The following SUZ12 variants were observed in gnomAD, a reference collection of about 807,000 sequenced individuals.
SUZ12 encodes polycomb protein SUZ12.
SUZ12 carries 17 observed loss-of-function variants against 87.3 expected under a neutral mutation model. The ratio of observed to expected loss-of-function variants is 0.19; its 90% CI spans 0.13 to 0.29. SUZ12 has a LOEUF of 0.29. Ranked by LOEUF, SUZ12 falls within the 10% of genes least tolerant of loss-of-function variation. SUZ12 has a pLI of 1.00. For synonymous variants in SUZ12, 253 were observed against 312.4 expected, an observed-to-expected ratio of 0.81 and a Z score of 2.01; for missense variants, 526 against 912.2, an observed-to-expected ratio of 0.58 and a Z score of 5.45.
intron 3 of SUZ12, among the ~76,000 whole-genome samples, chr17:31,945,646 G>A (rs1906591493): frequency 6.6e-6 from 1 of 152,114 alleles, no homozygotes; most frequent in South Asian, 2.1e-4. Flanking sequence ...GGTGTTGGGG[G>A]AGGAGCAGCT....
chr17:31,959,804 G>A (rs1483745375), intron 4 of SUZ12, among the ~76,000 whole-genome samples: 4 of 152,186 alleles, frequency 2.6e-5, no homozygotes, highest in African/African-American at 9.7e-5. Context: ...TTATGAATTA[G>A]CTTAGCATCA....
chr17:31,975,755 A>G, intron 7 of SUZ12, 42 bp downstream of exon 7: 2 of 1,462,008 alleles, frequency 1.4e-6, no homozygotes, highest in South Asian at 1.2e-5. Context: ...GGAGACTAAG[A>G]TGGTCATTGA....
In SUZ12 at chr17:31,999,154, T is replaced by A; in HGVS notation, c.*151T>A. 1.7e-6 allele frequency: 1 copy of A among 600,982 alleles called. No individual in the cohort carries two copies. Among genetic ancestry groups the A allele is most frequent in the Non-Finnish European group, 2.7e-6 (1 of 369,368 alleles). The allele number at this position is 600,982 out of a possible 1,614,324, so 37.2% of individuals were successfully genotyped here. On this transcript the variant is annotated 3_prime_UTR_variant, in exon 16 of 16. Transcript: ENST00000322652. ...TTCAACAAGGATATTTGTATCAGGG[T>A]TCTACTTCACTTCATTATGCAGCAT...
rs573015718 is a variant in SUZ12, at chr17:31,939,213, AT to A, written c.275-1072del. On this transcript the variant is annotated intron_variant, in intron 1 of 15. Transcript: ENST00000322652. ...AACAAAATAGATACAACTTTAAATTATAATTAGGAATATTTATTGAGAATTT... is the reference window on the plus strand; with the variant it reads ...AACAAAATAGATACAACTTTAAATTAAATTAGGAATATTTATTGAGAATTT... Among the ~76,000 whole-genome samples, 220 of 152,302 alleles carry A rather than the reference AT, an allele frequency of 1.4e-3. 1 individual carries two copies. Among genetic ancestry groups the A allele is most frequent in the Middle Eastern group, 0.01 (3 of 294 alleles).
chr17:31,989,379 T>C (rs1214493643), intron 10 of SUZ12, among the ~76,000 whole-genome samples: 2 of 152,088 alleles, frequency 1.3e-5, no homozygotes, highest in Non-Finnish European at 2.9e-5. Flanking sequence ...GCCTAGAAAT[T>C]TGAATTGAAA....
intron 4 of SUZ12, chr17:31,963,687 A>AC (rs142875030): frequency 8.8e-5 from 13 of 147,494 alleles, no homozygotes; most frequent in South Asian, 2.2e-4. Context: ...CACGCCTGGC[A>AC]TTTTTTTTTG....
At chr17:31,977,889 TAAAAAG>T (rs1190619704) in intron 8 of SUZ12, among the ~76,000 whole-genome samples, 2 of 152,060 alleles carry the variant, frequency 1.3e-5, no homozygotes, top group Admixed American at 1.3e-4. Flanking sequence ...ACTCTTGTCT[TAAAAAG>T]AAAAGAAAAG....
chr17:31,953,408 GC>G (rs2142138269), intron 4 of SUZ12, among the ~76,000 whole-genome samples: 1 of 152,196 alleles, frequency 6.6e-6, no homozygotes, highest in African/African-American at 2.4e-5. Flanking sequence ...ACCATGCCTG[GC>G]TTTATTTTTA....
At chr17:31,974,401 C>G (rs900090945) in intron 6 of SUZ12, among the ~76,000 whole-genome samples, 4 of 152,102 alleles carry the variant, frequency 2.6e-5, no homozygotes, top group African/African-American at 7.2e-5. Context: ...GTGATGGGCA[C>G]CTGTAGTGCC....
At chr17:31,988,179 G>C (rs1026962634) in intron 9 of SUZ12, 141 bp from the exon 10 acceptor site, 1 of 750,360 alleles carries the variant, frequency 1.3e-6, no homozygotes, top group Non-Finnish European at 2.0e-6. Flanking sequence ...TTGCCTAGCC[G>C]TCTCAGTCAG....
intron 14 of SUZ12, 53 bp from the exon 15 acceptor site, chr17:31,996,745 C>G (rs1421143312): frequency 7.8e-7 from 1 of 1,283,490 alleles, no homozygotes; most frequent in Non-Finnish European, 1.1e-6. Context: ...GACATTCTCA[C>G]AAGTTTTTCT....
chr17:31,942,662 A>G (rs1471619831), intron 3 of SUZ12, among the ~76,000 whole-genome samples: 1 of 152,170 alleles, frequency 6.6e-6, no homozygotes, highest in Non-Finnish European at 1.5e-5. Context: ...TTGAAGGGGA[A>G]ACACTTTTGA....
At chr17:31,957,805 C>T (rs1039364119) in intron 4 of SUZ12, among the ~76,000 whole-genome samples, 19 of 151,698 alleles carry the variant, frequency 1.3e-4, no homozygotes, top group Admixed American at 6.6e-5. Context: ...CTCAGCCTCC[C>T]AAAGTGCTGG....
chr17:31,986,949 T>TA (rs1393305332), intron 9 of SUZ12, among the ~76,000 whole-genome samples: 3 of 152,214 alleles, frequency 2.0e-5, no homozygotes. Flanking sequence ...CATTGAAGAC[T>TA]ACTTGATCTC....
At chr17:31,939,988 A>G (rs939697566) in intron 1 of SUZ12, among the ~76,000 whole-genome samples, 9 of 152,226 alleles carry the variant, frequency 5.9e-5, no homozygotes, top group Non-Finnish European at 1.3e-4. Context: ...AATGAGTACA[A>G]CTACTTCTCT....
intron 3 of SUZ12, among the ~76,000 whole-genome samples, chr17:31,943,457 A>C (rs1224311090): frequency 6.6e-6 from 1 of 152,338 alleles, no homozygotes; most frequent in Admixed American, 6.5e-5. Context: ...ATACAGGCCT[A>C]CAAATGAGAA....
rs1567829757 is a variant in SUZ12 at position 31,978,191 on chromosome 17, A to G, written c.917+1577A>G. On this transcript the variant is annotated intron_variant, in intron 8 of 15. Coordinates refer to ENST00000322652, the MANE Select transcript of SUZ12 (RefSeq NM_015355.4). ...GGAAAGTAACTAGGCCATTCCTCCT[A>G]TTGTTTATTTTTTATTTATTTATTT... Among the ~76,000 whole-genome samples, 3 of 151,814 alleles carry G rather than the reference A, an allele frequency of 2.0e-5. No homozygotes were observed. In the South Asian group the frequency reaches 6.2e-4, roughly 32 times the overall value.
At chr17:31,957,724 T>A (rs1907440465) in intron 4 of SUZ12, among the ~76,000 whole-genome samples, 1 of 151,734 alleles carries the variant, frequency 6.6e-6, no homozygotes, top group Admixed American at 6.6e-5. Flanking sequence ...TTTTGTATTT[T>A]TAGCAGAGAT....
At chr17:31,977,118 T>A (rs1908801338) in intron 8 of SUZ12, among the ~76,000 whole-genome samples, 1 of 152,034 alleles carries the variant, frequency 6.6e-6, no homozygotes, top group South Asian at 2.1e-4. Context: ...TATTAAAAAT[T>A]AAGGAAGAGG....
Sources: gnomAD v4.1 joint callset for allele counts (sites outside exome capture counted in the v4.1 genomes callset) on GRCh38, gnomAD v4.1.1 for gene constraint, MANE v1.5 for transcripts, NCBI Gene and HGNC (gene_info 2026-07-23, HGNC 2026-07-21) for gene names.